Variants in EXOC6B observed in about 807,000 individuals in gnomAD.
EXOC6B encodes SEC15 homolog B.
EXOC6B carries 54 observed loss-of-function variants against 113.5 expected under a neutral mutation model. The ratio of observed to expected loss-of-function variants is 0.48; its 90% CI spans 0.38 to 0.60. The LOEUF is 0.60. Among genes scored for constraint, EXOC6B ranks in the 20% least tolerant of loss-of-function variants. The pLI is 0.00. For missense variants in EXOC6B, 797 were observed against 977.5 expected (o/e 0.82, Z 2.46); for synonymous variants, 357 against 339.0 (o/e 1.05, Z -0.58).
chr2:72,798,392 A>G (rs1486503283), intron 1 of EXOC6B, among the ~76,000 whole-genome samples: 1 of 152,186 alleles, frequency 6.6e-6, no homozygotes, highest in South Asian at 2.1e-4. Context: ...AAATTTGAAT[A>G]CTTTTTTTAA....
At chr2:72,388,783 C>T (rs1692205158) in intron 18 of EXOC6B, among the ~76,000 whole-genome samples, 1 of 152,046 alleles carries the variant, frequency 6.6e-6, no homozygotes, top group African/African-American at 2.4e-5. Context: ...GATTAATTGA[C>T]CCTTATATCA....
intron 20 of EXOC6B, among the ~76,000 whole-genome samples, chr2:72,313,196 C>G (rs1434610724): frequency 2.3e-5 from 3 of 131,524 alleles, no homozygotes; most frequent in African/African-American, 3.7e-5. Context: ...AGAGGAACAA[C>G]ACAGATTGGG....
intron 18 of EXOC6B, among the ~76,000 whole-genome samples, chr2:72,380,435 C>A (rs940777405): frequency 1.3e-5 from 2 of 152,166 alleles, no homozygotes; most frequent in African/African-American, 2.4e-5. Context: ...GTCAGGAGAT[C>A]GAGACCATCC....
chr2:72,822,420 A>C (rs1686634399), intron 1 of EXOC6B, among the ~76,000 whole-genome samples: 1 of 152,218 alleles, frequency 6.6e-6, no homozygotes, highest in Non-Finnish European at 1.5e-5. Flanking sequence ...AATGAAAAAG[A>C]AGAGGTGGTA....
intron 19 of EXOC6B, among the ~76,000 whole-genome samples, chr2:72,376,062 G>A (rs1691338459): frequency 6.6e-6 from 1 of 152,088 alleles, no homozygotes; most frequent in South Asian, 2.1e-4. Flanking sequence ...AGATTCAAGG[G>A]GAGGCGAATT....
chr2:72,755,434 G>A (rs1682350031), intron 1 of EXOC6B, among the ~76,000 whole-genome samples: 1 of 151,972 alleles, frequency 6.6e-6, no homozygotes, highest in Admixed American at 6.6e-5. Context: ...CTGGAACAAT[G>A]GCTGTATCCC....
At chr2:72,356,329 C>T (rs1558586859) in intron 19 of EXOC6B, among the ~76,000 whole-genome samples, 1 of 152,150 alleles carries the variant, frequency 6.6e-6, no homozygotes, top group Non-Finnish European at 1.5e-5. Flanking sequence ...CAGAATACCA[C>T]AGTGCTTCAG....
intron 18 of EXOC6B, among the ~76,000 whole-genome samples, chr2:72,454,093 G>T (rs1046687778): frequency 6.6e-6 from 1 of 152,116 alleles, no homozygotes; most frequent in Non-Finnish European, 1.5e-5. Flanking sequence ...CCCCTGACAC[G>T]CGGGGATTAT....
intron 6 of EXOC6B, among the ~76,000 whole-genome samples, chr2:72,695,265 T>C (rs938604364): frequency 6.6e-6 from 1 of 152,140 alleles, no homozygotes; most frequent in Admixed American, 6.5e-5. Flanking sequence ...GTAGTAAACT[T>C]AGTAAAAGCA....
chr2:72,251,653 T>C (rs1683022051), intron 20 of EXOC6B, among the ~76,000 whole-genome samples: 1 of 152,188 alleles, frequency 6.6e-6, no homozygotes, highest in Non-Finnish European at 1.5e-5. Context: ...CCCAGGCAAA[T>C]ATACATTTCC....
chr2:72,405,225 A>G (rs1372059176), intron 18 of EXOC6B, among the ~76,000 whole-genome samples: 2 of 152,228 alleles, frequency 1.3e-5, no homozygotes, highest in African/African-American at 4.8e-5. Flanking sequence ...TCTACATCTG[A>G]TTGGTGTACT....
intron 13 of EXOC6B, among the ~76,000 whole-genome samples, chr2:72,497,412 G>T (rs1016826329): frequency 6.6e-6 from 1 of 151,918 alleles, no homozygotes; most frequent in Non-Finnish European, 1.5e-5. Context: ...TAAATCGATA[G>T]GTTCTCTCTC....
chr2:72,652,974 C>G (rs75264954), intron 6 of EXOC6B, among the ~76,000 whole-genome samples: 3,497 of 151,600 alleles, frequency 0.023, 123 homozygotes, highest in African/African-American at 0.077. Flanking sequence ...TGTGAGACCT[C>G]AGTTATATAT....
chr2:72,625,278 A>AAT lies in EXOC6B; in HGVS notation c.670-49612_670-49611dup, dbSNP rs778086323. 5.9e-4 allele frequency among the ~76,000 whole-genome samples: 89 copies of AAT among 150,776 alleles called. 2 individuals carry two copies. The highest frequency in any genetic ancestry group is 1.7e-3 in the African/African-American group (71 of 41,224). Reference sequence around the variant, plus strand: ...GTATATGTGTATATATATACCTAAAAATATATATATATACCTAAAAAAGAC... The same window carrying AAT: ...GTATATGTGTATATATATACCTAAAAATATATATATATATACCTAAAAAAGAC... On this transcript the variant is annotated intron_variant, in intron 6 of 21. Coordinates refer to ENST00000272427, the MANE Select transcript of EXOC6B (RefSeq NM_015189.3).
intron 20 of EXOC6B, among the ~76,000 whole-genome samples, chr2:72,259,303 A>G (rs1441298213): frequency 1.3e-5 from 2 of 152,186 alleles, no homozygotes; most frequent in Admixed American, 6.5e-5. Context: ...TCTCTTTTGC[A>G]TATTTCTTTC....
At chr2:72,495,922 G>A (rs1019438112) in intron 14 of EXOC6B, among the ~76,000 whole-genome samples, 3 of 152,122 alleles carry the variant, frequency 2.0e-5, no homozygotes, top group Admixed American at 2.0e-4. Flanking sequence ...GGCAAAAGTA[G>A]ATGCACAGAG....
At chr2:72,717,293 C>G (rs1309003840) in intron 6 of EXOC6B, among the ~76,000 whole-genome samples, 1 of 152,068 alleles carries the variant, frequency 6.6e-6, no homozygotes, top group African/African-American at 2.4e-5. Flanking sequence ...TAATCTATTC[C>G]CTCATTCCTC....
At chr2:72,303,544 A>T (rs1423275405) in intron 20 of EXOC6B, among the ~76,000 whole-genome samples, 1 of 151,766 alleles carries the variant, frequency 6.6e-6, no homozygotes, top group African/African-American at 2.4e-5. Flanking sequence ...GATCAGTTAT[A>T]TTATTTTTTA....
intron 1 of EXOC6B, among the ~76,000 whole-genome samples, chr2:72,752,782 T>C (rs1021380805): frequency 3.3e-5 from 5 of 152,176 alleles, no homozygotes; most frequent in Non-Finnish European, 7.4e-5. Context: ...TATTCACTTT[T>C]AATTTCATCA....
Sources: gnomAD v4.1 joint callset for allele counts (sites outside exome capture counted in the v4.1 genomes callset) on GRCh38, gnomAD v4.1.1 for gene constraint, MANE v1.5 for transcripts, NCBI Gene and HGNC (gene_info 2026-07-23, HGNC 2026-07-21) for gene names.